Variants in DNAJC5B observed in about 807,000 individuals in gnomAD.
The protein encoded by DNAJC5B is dnaJ homolog subfamily C member 5B.
DNAJC5B carries 23 observed loss-of-function variants against 24.7 expected under a neutral mutation model. The ratio of observed to expected loss-of-function variants is 0.93; its 90% CI spans 0.67 to 1.32. The LOEUF is 1.32. Ranked by LOEUF, DNAJC5B falls within the 40% of genes most tolerant of loss-of-function variation. The pLI is 0.00. For synonymous variants in DNAJC5B, 101 were observed against 90.1 expected, an observed-to-expected ratio of 1.12 and a Z score of -0.68; for missense variants, 238 against 240.8, an observed-to-expected ratio of 0.99 and a Z score of 0.08.
At chr8:66,060,968 A>G (rs1807068759) in intron 3 of DNAJC5B, among the ~76,000 whole-genome samples, 1 of 152,212 alleles carries the variant, frequency 6.6e-6, no homozygotes, top group South Asian at 2.1e-4. Context: ...CACACAACAT[A>G]TCAGATGTTG....
rs565786751 is a variant in DNAJC5B, at chr8:66,040,563, G to A, written c.-141-2925G>A. On this transcript the variant is annotated intron_variant, in intron 1 of 5. Coordinates refer to ENST00000276570, the MANE Select transcript of DNAJC5B (RefSeq NM_033105.6). ...AAATTCCTCTAGAGAGTTGCTGGTC[G>A]GCAGGTGTTTTCCACATTACTTGAC... 2.3e-3 allele frequency among the ~76,000 whole-genome samples: 345 copies of A among 152,264 alleles called. 2 individuals are homozygous for A. The highest frequency in any genetic ancestry group is 7.9e-3 in the African/African-American group (328 of 41,552).
intron 1 of DNAJC5B, among the ~76,000 whole-genome samples, chr8:66,040,987 A>G (rs1198588519): frequency 6.6e-6 from 1 of 151,878 alleles, no homozygotes; most frequent in Non-Finnish European, 1.5e-5. Context: ...ACTTGATTTT[A>G]CAGAAGAATT....
chr8:66,019,873 A>G (rs947319521), upstream of DNAJC5B, among the ~76,000 whole-genome samples: 3 of 152,242 alleles, frequency 2.0e-5, no homozygotes, highest in Non-Finnish European at 2.9e-5. Flanking sequence ...TCTTAGGAGA[A>G]TTCACAGATG....
rs150937095 is a variant in DNAJC5B, at chr8:66,076,471, G to C, written c.120-189G>C. On this transcript the variant is annotated intron_variant, in intron 3 of 5. Coordinates refer to ENST00000276570, the MANE Select transcript of DNAJC5B (RefSeq NM_033105.6). ...GTGAGAGGAGAAATAGTACTATTGC[G>C]CCTGTGCATTCGAACCAAGGGACAT... Among the ~76,000 whole-genome samples, 49 of 152,220 alleles carry C rather than the reference G, an allele frequency of 3.2e-4. No individual in the cohort carries two copies. The East Asian group carries it at 9.2e-3, about 29-fold the overall frequency.
At chr8:66,016,082 G>C in the DNAJC5B span, among the ~76,000 whole-genome samples, 3 of 152,210 alleles carry the variant, frequency 2.0e-5, no homozygotes, top group Non-Finnish European at 2.9e-5. Context: ...CCTTGGTGAA[G>C]GCTGCTCTGC....
chr8:66,099,675 G>T (rs1808030508), intron 5 of DNAJC5B, among the ~76,000 whole-genome samples: 1 of 152,190 alleles, frequency 6.6e-6, no homozygotes, highest in African/African-American at 2.4e-5. Context: ...TAAAGTTCAA[G>T]TTCACCAGGT....
intron 1 of DNAJC5B, among the ~76,000 whole-genome samples, chr8:66,032,458 T>G (rs1806379890): frequency 6.6e-6 from 1 of 152,236 alleles, no homozygotes; most frequent in Non-Finnish European, 1.5e-5. Flanking sequence ...TATTATTATT[T>G]AATATTCACA....
intron 3 of DNAJC5B, among the ~76,000 whole-genome samples, chr8:66,052,430 C>A (rs1252659176): frequency 2.6e-5 from 4 of 152,008 alleles, no homozygotes; most frequent in Non-Finnish European, 4.4e-5. Context: ...TTTGAAATGT[C>A]TTTTTATTTT....
At chr8:66,069,996 A>G (rs943334591) in intron 3 of DNAJC5B, among the ~76,000 whole-genome samples, 14 of 152,220 alleles carry the variant, frequency 9.2e-5, no homozygotes, top group Non-Finnish European at 1.8e-4. Flanking sequence ...AAGGTTTTTG[A>G]CAAAATTCAA....
intron 1 of DNAJC5B, among the ~76,000 whole-genome samples, chr8:66,042,262 A>C (rs1806626035): frequency 6.6e-6 from 1 of 152,172 alleles, no homozygotes; most frequent in African/African-American, 2.4e-5. Flanking sequence ...TGAATACTGC[A>C]CTTTCTCTTT....
intron 1 of DNAJC5B, among the ~76,000 whole-genome samples, chr8:66,034,626 GC>G (rs925328764): frequency 3.3e-5 from 5 of 151,712 alleles, no homozygotes; most frequent in Non-Finnish European, 5.9e-5. Context: ...GAGGTGGAGG[GC>G]ATCCAAGATC....
intron 3 of DNAJC5B, among the ~76,000 whole-genome samples, chr8:66,061,690 T>A (rs1011891890): frequency 9.9e-5 from 15 of 151,918 alleles, no homozygotes; most frequent in Admixed American, 7.9e-4. Context: ...TTGAATACAT[T>A]TAAAAGAATG....
intron 3 of DNAJC5B, among the ~76,000 whole-genome samples, chr8:66,075,898 C>T (rs1807450697): frequency 6.6e-6 from 1 of 152,106 alleles, no homozygotes; most frequent in South Asian, 2.1e-4. Context: ...ACAATTTGTT[C>T]TAAACTAATA....
intron 5 of DNAJC5B, among the ~76,000 whole-genome samples, chr8:66,088,601 T>A (rs1010996217): frequency 6.6e-6 from 1 of 152,182 alleles, no homozygotes; most frequent in Non-Finnish European, 1.5e-5. Context: ...TGAACACATA[T>A]AACTGAAGGC....
At chr8:66,029,559 C>T (rs1257687104) in intron 1 of DNAJC5B, among the ~76,000 whole-genome samples, 4 of 152,154 alleles carry the variant, frequency 2.6e-5, no homozygotes, top group African/African-American at 9.7e-5. Context: ...CAGAGAAAGA[C>T]TGGAGAAAGG....
chr8:66,072,894 A>G (rs955112805), intron 3 of DNAJC5B, among the ~76,000 whole-genome samples: 1 of 152,168 alleles, frequency 6.6e-6, no homozygotes, highest in African/African-American at 2.4e-5. Flanking sequence ...AGGCCAAAAG[A>G]GAAACAAGAT....
chr8:66,026,973 T>C (rs1376977113), intron 1 of DNAJC5B, among the ~76,000 whole-genome samples: 1 of 152,212 alleles, frequency 6.6e-6, no homozygotes, highest in African/African-American at 2.4e-5. Context: ...ACAAGTGCAA[T>C]TTTTAAAAAT....
In DNAJC5B at chr8:66,067,711, C is replaced by T. The variant is rs199712682; in HGVS notation, c.120-8949C>T. 3.3e-5 allele frequency among the ~76,000 whole-genome samples: 5 copies of T among 152,238 alleles called. No individual in the cohort carries two copies. The East Asian group carries it at 9.7e-4, about 29-fold the overall frequency. On this transcript the variant is annotated intron_variant, in intron 3 of 5. Transcript: ENST00000276570. Reference sequence around the variant, plus strand: ...AAAAGCCACATGGAGAACAGAGTTCCCCAGACAGCAGCCCTAGCTGAGCTC... The same window carrying T: ...AAAAGCCACATGGAGAACAGAGTTCTCCAGACAGCAGCCCTAGCTGAGCTC...
At chr8:66,095,822 T>C (rs529526365) in intron 5 of DNAJC5B, among the ~76,000 whole-genome samples, 107 of 152,218 alleles carry the variant, frequency 7.0e-4, no homozygotes, top group Non-Finnish European at 1.3e-3. Context: ...AGGTTACTTT[T>C]TGTTGTTTGT....
Sources: allele counts gnomAD v4.1 joint callset (sites outside exome capture counted in the v4.1 genomes callset), GRCh38; gene constraint gnomAD v4.1.1; transcripts MANE v1.5; gene names NCBI Gene and HGNC (gene_info 2026-07-23, HGNC 2026-07-21).